The following NDRG3 variants were observed in gnomAD, a reference collection of about 807,000 sequenced individuals.
NDRG3 encodes NDRG family member 3.
A neutral mutation model predicts 57.2 loss-of-function variants in NDRG3; 23 were observed. The ratio of observed to expected loss-of-function variants is 0.40; its 90% confidence interval spans 0.29 to 0.57. NDRG3 has a LOEUF of 0.57. Ranked by LOEUF, NDRG3 falls within the 20% of genes least tolerant of loss-of-function variation. NDRG3 has a pLI of 0.42. For missense variants in NDRG3, 384 were observed against 457.3 expected, an observed-to-expected ratio of 0.84 and a Z score of 1.46; for synonymous variants, 132 against 162.6, an observed-to-expected ratio of 0.81 and a Z score of 1.43.
chr20:36,718,849 T>A (rs561499080), intron 2 of NDRG3, among the ~76,000 whole-genome samples: 1 of 152,182 alleles, frequency 6.6e-6, no homozygotes, highest in Admixed American at 6.5e-5. Context: ...CCTGGATCAT[T>A]TTTTTAATTT....
At position 36,653,886 on chromosome 20, in the gene NDRG3, TA is replaced by T. The variant is rs1407857296; in HGVS notation, c.947-186del. Among the ~76,000 whole-genome samples, 14 of 152,218 alleles carry T rather than the reference TA, an allele frequency of 9.2e-5. No homozygotes were observed. The highest frequency in any genetic ancestry group is 3.1e-4 in the African/African-American group (13 of 41,454). On this transcript the variant is annotated intron_variant, in intron 15 of 15. Transcript: ENST00000349004. This position sits in a 1 kb window ranked among gnomAD's most constrained non-coding sequence, Gnocchi z 4.2. Reference sequence around the variant, plus strand: ...TGAGTGGCGATATGTGAGGCCACTTTAATCCTTTAGATCTGGTTGGAATCTC... The same window carrying T: ...TGAGTGGCGATATGTGAGGCCACTTTATCCTTTAGATCTGGTTGGAATCTC...
intron 7 of NDRG3, among the ~76,000 whole-genome samples, chr20:36,681,719 G>C (rs1260340326): frequency 6.6e-6 from 1 of 151,032 alleles, no homozygotes; most frequent in East Asian, 1.9e-4. Flanking sequence ...TTCTTTTTGA[G>C]ACAGAGTTTC....
intron 3 of NDRG3, among the ~76,000 whole-genome samples, chr20:36,703,960 A>C (rs1983400635): frequency 6.6e-6 from 1 of 152,234 alleles, no homozygotes; most frequent in Non-Finnish European, 1.5e-5. Context: ...CAAATGACAT[A>C]TGCCAAAATA....
rs1361414440 is a variant in NDRG3 at position 36,653,251 on chromosome 20, A to C, written c.*269T>G. 2 of 340,548 alleles carry C rather than the reference A, an allele frequency of 5.9e-6. No homozygotes were observed. The highest frequency in any genetic ancestry group is 4.2e-5 in the African/African-American group (2 of 48,188). 21.1% of individuals were successfully genotyped at this position (340,548 alleles called of 1,614,324 possible). On this transcript the variant is annotated 3_prime_UTR_variant, in exon 16 of 16. Transcript: ENST00000349004. The surrounding 1 kb of genome is among the most constrained non-coding windows in gnomAD (Gnocchi z 4.2). ...TTATCTGATACATAGTTGGGGGAGCACGGGAAAAAGCTGGCAAGAGAGGAT... is the reference window on the plus strand; with the variant it reads ...TTATCTGATACATAGTTGGGGGAGCCCGGGAAAAAGCTGGCAAGAGAGGAT...
intron 3 of NDRG3, among the ~76,000 whole-genome samples, chr20:36,703,421 CCTATCTATCTATCTAT>C (rs5841239): frequency 5.4e-5 from 8 of 147,014 alleles, no homozygotes; most frequent in Middle Eastern, 3.5e-3. Flanking sequence ...TATGTAATAT[CCTATCTATCTATCTAT>C]CTATCTATCT....
At chr20:36,712,585 A>ATG (rs1273225549) in intron 2 of NDRG3, among the ~76,000 whole-genome samples, 1 of 8,488 alleles carries the variant, frequency 1.2e-4, no homozygotes, top group Non-Finnish European at 2.4e-4. Context: ...ATATATATAT[A>ATG]TATTTTTTTT....
intron 1 of NDRG3, among the ~76,000 whole-genome samples, chr20:36,739,834 T>C (rs1363245715): frequency 7.1e-6 from 1 of 141,382 alleles, no homozygotes; most frequent in African/African-American, 2.7e-5. Context: ...GGCGTGAACC[T>C]GGTAGGCGGA....
intron 1 of NDRG3, among the ~76,000 whole-genome samples, chr20:36,742,802 C>T (rs1218597656): frequency 2.6e-5 from 4 of 152,158 alleles, no homozygotes; most frequent in Non-Finnish European, 2.9e-5. Context: ...AATCTTCCAC[C>T]ATATCAGGCG....
Position 36,653,437 on chromosome 20 carries a change from G to C in NDRG3, c.*83C>G. The C allele has an allele frequency of 8.0e-7, 1 of 1,257,094 alleles. No individual in the cohort carries two copies. The highest frequency in any genetic ancestry group is 1.1e-6 in the Non-Finnish European group (1 of 895,954). 77.9% of individuals were successfully genotyped at this position (1,257,094 alleles called of 1,614,324 possible). A position where few individuals can be genotyped will look rare whatever the true frequency, so the allele number is the denominator to read the frequency against. On this transcript the variant is annotated 3_prime_UTR_variant, in exon 16 of 16. Coordinates refer to ENST00000349004, the MANE Select transcript of NDRG3 (RefSeq NM_032013.4). This position sits in a 1 kb window ranked among gnomAD's most constrained non-coding sequence, Gnocchi z 4.2. ...CATGCATGAGTTAAAGATAGTAGAG[G>C]CCAGTTTACTGGATGAAATGTTATA... is the stretch of plus-strand genomic sequence containing the variant.
intron 5 of NDRG3, among the ~76,000 whole-genome samples, chr20:36,686,838 T>C (rs561138702): frequency 9.9e-5 from 15 of 152,256 alleles, no homozygotes; most frequent in African/African-American, 3.6e-4. Flanking sequence ...GCCTAAGTAG[T>C]TGGGAGTTTT....
rs1984606252 is a variant in NDRG3, at chr20:36,721,742, A to C, written c.-7T>G. On this transcript the variant is annotated 5_prime_UTR_variant, in exon 2 of 16. Coordinates refer to ENST00000349004, the MANE Select transcript of NDRG3 (RefSeq NM_032013.4). ...CATCCTGAAGTTCATCCATGAGGTC[A>C]GATAACGAGAGTAGAGGAATCTCAA... 1.3e-6 allele frequency: 2 copies of C among 1,597,388 alleles called. No homozygotes were observed. Among genetic ancestry groups the C allele is most frequent in the Non-Finnish European group, 8.6e-7 (1 of 1,165,922 alleles).
intron 2 of NDRG3, among the ~76,000 whole-genome samples, chr20:36,719,784 G>A (rs368325592): frequency 1.3e-5 from 2 of 151,756 alleles, no homozygotes; most frequent in Non-Finnish European, 2.9e-5. Context: ...TTCAAGAGGG[G>A]ACAATGACAA....
At chr20:36,690,554 G>A (rs1330150862) in intron 3 of NDRG3, among the ~76,000 whole-genome samples, 1 of 45,512 alleles carries the variant, frequency 2.2e-5, no homozygotes, top group Admixed American at 1.9e-4. Flanking sequence ...AAGATGCACC[G>A]AGCAAAGCTC....
intron 1 of NDRG3, among the ~76,000 whole-genome samples, chr20:36,744,961 A>C: frequency 3.1e-5 from 1 of 31,838 alleles, no homozygotes. Flanking sequence ...CCTGAGGGCC[A>C]GGGTAAGGGG....
intron 3 of NDRG3, among the ~76,000 whole-genome samples, chr20:36,699,992 C>A (rs952722725): frequency 2.0e-5 from 3 of 151,452 alleles, no homozygotes; most frequent in African/African-American, 7.3e-5. Context: ...CGGAGGCAAG[C>A]GCCTGTAATC....
In NDRG3 at chr20:36,656,419, GA is replaced by G; in HGVS notation, c.895-9del. The stretch of plus-strand genomic sequence containing the variant: ...CTCGGTGAGCTTCCCAGGCTGGGGG[GA>G]TAAAACAAGAGGGCATTAATTTTTG... On this transcript the variant is annotated splice_polypyrimidine_tract_variant and intron_variant, in intron 14 of 15. Transcript: ENST00000349004. 1 of 1,614,110 alleles carries G rather than the reference GA, an allele frequency of 6.2e-7. No homozygotes were observed. The highest frequency in any genetic ancestry group is 8.5e-7 in the Non-Finnish European group (1 of 1,180,024).
At chr20:36,734,928 A>T (rs550170856) in intron 1 of NDRG3, among the ~76,000 whole-genome samples, 1 of 152,190 alleles carries the variant, frequency 6.6e-6, no homozygotes, top group African/African-American at 2.4e-5. Context: ...TTCATGGAGG[A>T]GGTAATATCT....
chr20:36,661,217 G>A (rs1261321246), intron 12 of NDRG3, among the ~76,000 whole-genome samples: 1 of 151,752 alleles, frequency 6.6e-6, no homozygotes, highest in Non-Finnish European at 1.5e-5. Context: ...GTCCAAAGTT[G>A]AACTCTTCTC....
rs1295133266 is a variant in NDRG3, at chr20:36,659,359, C to T, written c.858+978G>A. 2.6e-5 allele frequency among the ~76,000 whole-genome samples: 4 copies of T among 151,990 alleles called. No individual in the cohort carries two copies. The East Asian group carries it at 7.7e-4, about 29-fold the overall frequency. ...CCCAGGCTGGTCTCAAACTCCTGGACTCAAGTGATCCGCCCAACTCAGCCT... is the reference window on the plus strand; with the variant it reads ...CCCAGGCTGGTCTCAAACTCCTGGATTCAAGTGATCCGCCCAACTCAGCCT... On this transcript the variant is annotated intron_variant, in intron 13 of 15. Coordinates refer to ENST00000349004, the MANE Select transcript of NDRG3 (RefSeq NM_032013.4).
Sources: allele counts gnomAD v4.1 joint callset (sites outside exome capture counted in the v4.1 genomes callset), GRCh38; gene constraint gnomAD v4.1.1; non-coding constraint Gnocchi (gnomAD v3.1); transcripts MANE v1.5; gene names NCBI Gene and HGNC (gene_info 2026-07-23, HGNC 2026-07-21).